The following TMEM63B variants were observed in gnomAD, a reference collection of about 807,000 sequenced individuals.
TMEM63B encodes transmembrane protein 63B, also known as mechanosensitive cation channel TMEM63B.
In TMEM63B, 23 loss-of-function variants were observed where a neutral mutation model predicts 102.6. That is an observed-to-expected ratio of 0.22 (90% CI 0.16 to 0.32). The LOEUF is 0.32. TMEM63B is among the 10% of genes least tolerant of loss of function. TMEM63B has a pLI of 1.00. For missense variants in TMEM63B, 628 were observed against 1,095.9 expected, an observed-to-expected ratio of 0.57 and a Z score of 6.03; for synonymous variants, 444 against 437.0, an observed-to-expected ratio of 1.02 and a Z score of -0.20.
Position 44,154,908 on chromosome 6 carries a change from A to G in TMEM63B, c.*25A>G. On this transcript the variant is annotated 3_prime_UTR_variant, in exon 24 of 24. Coordinates refer to ENST00000323267, the MANE Select transcript of TMEM63B (RefSeq NM_018426.3). ...AGGGGAGGGAGGGGCCCTGGAGGCC[A>G]CATCCTGCCCCACCCCACCCCCACT... The G allele has an allele frequency of 6.7e-7, 1 of 1,495,918 alleles. No homozygotes were observed. Among genetic ancestry groups the G allele is most frequent in the Non-Finnish European group, 8.9e-7 (1 of 1,123,648 alleles). 92.7% of individuals were successfully genotyped at this position (1,495,918 alleles called of 1,614,324 possible). A position where few individuals can be genotyped will look rare whatever the true frequency, so the allele number is the denominator to read the frequency against.
In TMEM63B at chr6:44,152,958, C is replaced by T. The variant is rs890791219; in HGVS notation, c.1942+260C>T. Among the ~76,000 whole-genome samples the T allele has an allele frequency of 5.3e-5, 8 of 152,234 alleles. No individual in the cohort carries two copies. The highest frequency in any genetic ancestry group is 1.9e-4 in the African/African-American group (8 of 41,460). Reference sequence around the variant, plus strand: ...CCAACATGGCCATACTTACCCACACCTGTGCCTTCCCTCAGCGGGATGTGC... The same window carrying T: ...CCAACATGGCCATACTTACCCACACTTGTGCCTTCCCTCAGCGGGATGTGC... On this transcript the variant is annotated intron_variant, in intron 20 of 23. Transcript: ENST00000323267. The surrounding 1 kb of genome is among the most constrained non-coding windows in gnomAD (Gnocchi z 6.4).
At chr6:44,139,823 A>T (rs1763865942) in intron 8 of TMEM63B, 64 bp downstream of exon 8, 2 of 1,602,466 alleles carry the variant, frequency 1.2e-6, no homozygotes, top group Admixed American at 1.7e-5. Context: ...ATGATGTGGG[A>T]CAGGGAGGAA....
chr6:44,146,944 A>G lies in TMEM63B; in HGVS notation c.863+17A>G, dbSNP rs1765539594. On this transcript the variant is annotated intron_variant, in intron 11 of 23. Coordinates refer to ENST00000323267, the MANE Select transcript of TMEM63B (RefSeq NM_018426.3). ...TGCAGAGAGGTAAGGGACTGGGGGC[A>G]GAGGAGGGTGACACCAAGGGCCCCC... 6.2e-7 allele frequency: 1 copy of G among 1,613,510 alleles called. No homozygotes were observed. Among genetic ancestry groups the G allele is most frequent in the South Asian group, 1.1e-5 (1 of 91,080 alleles).
At chr6:44,153,872 G>A (rs761868276) in intron 21 of TMEM63B, 29 bp downstream of exon 21, 7 of 1,603,996 alleles carry the variant, frequency 4.4e-6, no homozygotes, top group Admixed American at 3.4e-5. Flanking sequence ...GGGAACGGGG[G>A]GTGGCGAGCA....
chr6:44,137,383 G>A (rs1450341377), intron 5 of TMEM63B, among the ~76,000 whole-genome samples: 1 of 152,170 alleles, frequency 6.6e-6, no homozygotes, highest in African/African-American at 2.4e-5. Flanking sequence ...CAAGTCCTAG[G>A]GGTGGCAGCT....
rs901174788 is a variant in TMEM63B at position 44,150,762 on chromosome 6, C to T, written c.1673+133C>T. The T allele has an allele frequency of 1.0e-5, 10 of 955,676 alleles. No individual in the cohort carries two copies. Among genetic ancestry groups the T allele is most frequent in the Admixed American group, 4.3e-5 (2 of 46,800 alleles). The allele number at this position is 955,676 out of a possible 1,614,324, so 59.2% of individuals were successfully genotyped here. A position where few individuals can be genotyped will look rare whatever the true frequency, so the allele number is the denominator to read the frequency against. On this transcript the variant is annotated intron_variant, in intron 18 of 23. Coordinates refer to ENST00000323267, the MANE Select transcript of TMEM63B (RefSeq NM_018426.3). This position sits in a 1 kb window ranked among gnomAD's most constrained non-coding sequence, Gnocchi z 4.7. ...AGGGGGCAGAAGAGAGAGGATCTGG[C>T]GGGGTTACCCCAAAGGCACCCACAA...
At position 44,135,297 on chromosome 6, in the gene TMEM63B, C is replaced by G. The variant is rs577378991; in HGVS notation, c.240-31C>G. Reference sequence around the variant, plus strand: ...CTGTCCCCAGGGACTCTCCCCCGCCCCTGCTAACCCTGTCTGTTCTCTGTC... The same window carrying G: ...CTGTCCCCAGGGACTCTCCCCCGCCGCTGCTAACCCTGTCTGTTCTCTGTC... On this transcript the variant is annotated intron_variant, in intron 3 of 23. Transcript: ENST00000323267. The G allele has an allele frequency of 3.2e-5, 52 of 1,607,058 alleles. 1 individual carries two copies. In the South Asian group the frequency reaches 5.8e-4, roughly 18 times the overall value.
intron 10 of TMEM63B, among the ~76,000 whole-genome samples, chr6:44,141,825 G>A (rs1199911900): frequency 1.3e-5 from 2 of 152,190 alleles, no homozygotes; most frequent in African/African-American, 2.4e-5. Flanking sequence ...CTTTGGGACT[G>A]TAAAAAATGA....
Position 44,152,155 on chromosome 6 carries a change from T to G in TMEM63B, c.1836+147T>G. ...CTCACGGTGGATCCGGGCCATCCCC[T>G]TCCCATATCTGGGGCCTTCGTATTC... On this transcript the variant is annotated intron_variant, in intron 19 of 23. Coordinates refer to ENST00000323267, the MANE Select transcript of TMEM63B (RefSeq NM_018426.3). This position sits in a 1 kb window ranked among gnomAD's most constrained non-coding sequence, Gnocchi z 6.4. The G allele has an allele frequency of 9.4e-7, 1 of 1,062,370 alleles. No homozygotes were observed. Among genetic ancestry groups the G allele is most frequent in the East Asian group, 2.7e-5 (1 of 36,982 alleles). The allele number at this position is 1,062,370 out of a possible 1,614,324, so 65.8% of individuals were successfully genotyped here.
intron 6 of TMEM63B, 48 bp from the exon 7 acceptor site, chr6:44,139,419 T>G: frequency 6.2e-7 from 1 of 1,603,432 alleles, no homozygotes; most frequent in Non-Finnish European, 8.5e-7. Context: ...AGCCCCCTTC[T>G]TGCCCTGGTC....
chr6:44,138,538 C>T (rs1763470756), intron 6 of TMEM63B, 21 bp downstream of exon 6: 1 of 1,613,910 alleles, frequency 6.2e-7, no homozygotes, highest in East Asian at 2.2e-5. Flanking sequence ...CATCTTCAAG[C>T]TCTAAAGAAA....
At chr6:44,144,601 T>G (rs1245923543) in intron 10 of TMEM63B, among the ~76,000 whole-genome samples, 3 of 151,934 alleles carry the variant, frequency 2.0e-5, no homozygotes, top group African/African-American at 7.3e-5. Flanking sequence ...AAAAACAATT[T>G]TTTTTGAGAC....
rs1220691074 is a variant in TMEM63B at position 44,139,747 on chromosome 6, A to G, written c.590A>G (p.Asn197Ser). 5 of 1,614,182 alleles carry G rather than the reference A, an allele frequency of 3.1e-6. No individual in the cohort carries two copies. Among genetic ancestry groups the G allele is most frequent in the Admixed American group, 1.7e-5 (1 of 60,028 alleles). The change falls in exon 8 of 24, where the codon AAC becomes AGC. Residue 197 changes from asparagine (N) to serine (S), a missense_variant. Physicochemically the swap from Asn to Ser is conservative, Grantham distance 46. This residue lies in a region of TMEM63B where 336 missense variants were observed against 580.3 expected (regional missense o/e 0.58). Transcript: ENST00000323267. ...AGCTTTGGGAGAACCACCATTGCCAACTTGAAATCAGGGTAAGATGCGAAG... is the reference window on the plus strand; with the variant it reads ...AGCTTTGGGAGAACCACCATTGCCAGCTTGAAATCAGGGTAAGATGCGAAG... ...AYSFGRTTIA[N>S]LKSGNNLLWL...
At chr6:44,136,905 CGTG>C (rs1763079103) in intron 5 of TMEM63B, among the ~76,000 whole-genome samples, 1 of 152,166 alleles carries the variant, frequency 6.6e-6, no homozygotes, top group East Asian at 1.9e-4. Context: ...ATTAGCCAGG[CGTG>C]GTGGTGGGCG....
chr6:44,147,413 C>T lies in TMEM63B; in HGVS notation c.900C>T (p.Asn300=), dbSNP rs769028546. The change falls in exon 12 of 24, where the codon AAC becomes AAT. Residue 300 remains asparagine (N), a synonymous_variant. Coordinates refer to ENST00000323267, the MANE Select transcript of TMEM63B (RefSeq NM_018426.3). The stretch of plus-strand genomic sequence containing the variant: ...AGCGGGGAAAGCTGTACTTCACAAA[C>T]CTCCAGAGCAAGGAGAACGTGCCTA... ...KAERGKLYFT[N]LQSKENVPTM... is the part of the protein sequence containing the mutation. The T allele has an allele frequency of 1.9e-6, 3 of 1,614,190 alleles. No homozygotes were observed. The highest frequency in any genetic ancestry group is 2.5e-6 in the Non-Finnish European group (3 of 1,180,034).
rs934886045 is a variant in TMEM63B, at chr6:44,128,417, G to T, written c.-25+739G>T. On this transcript the variant is annotated intron_variant, in intron 1 of 23. Transcript: ENST00000323267. ...AAACCGAGAGTGGGGCAAAGGCCCTGTTGTGGGGAGGGGGCGCCGCTTTGT... is the reference window on the plus strand; with the variant it reads ...AAACCGAGAGTGGGGCAAAGGCCCTTTTGTGGGGAGGGGGCGCCGCTTTGT... Among the ~76,000 whole-genome samples, 2 of 152,258 alleles carry T rather than the reference G, an allele frequency of 1.3e-5. 1 individual carries two copies. Among genetic ancestry groups the T allele is most frequent in the South Asian group, 4.1e-4 (2 of 4,836 alleles).
Position 44,148,196 on chromosome 6 carries a change from G to C in TMEM63B, c.988-56G>C. On this transcript the variant is annotated intron_variant, in intron 12 of 23. Coordinates refer to ENST00000323267, the MANE Select transcript of TMEM63B (RefSeq NM_018426.3). The surrounding 1 kb of genome is among the most constrained non-coding windows in gnomAD (Gnocchi z 5.1). ...CCCAAGTCAGCGTGGGCTGGATGCT[G>C]CAGGCCCCAGCCTGGCTTTCCAACT... 6.2e-7 allele frequency: 1 copy of C among 1,606,118 alleles called. No individual in the cohort carries two copies. Among genetic ancestry groups the C allele is most frequent in the Non-Finnish European group, 8.5e-7 (1 of 1,175,206 alleles).
chr6:44,155,463 G>GTTT lies in TMEM63B; in HGVS notation c.*585_*587dup, dbSNP rs892246008. ...GGGTTTTTGCACTGTTTTTTTTTTG[G>GTTT]TTTTTTTGTTCTTTTTTGTTTTTTT... On this transcript the variant is annotated 3_prime_UTR_variant, in exon 24 of 24. Transcript: ENST00000323267. 3 of 125,750 alleles carry GTTT rather than the reference G, an allele frequency of 2.4e-5. No individual in the cohort carries two copies. The highest frequency in any genetic ancestry group is 2.8e-4 in the East Asian group (1 of 3,584). 7.8% of individuals were successfully genotyped at this position (125,750 alleles called of 1,614,324 possible).
Position 44,150,382 on chromosome 6 carries a change from C to T in TMEM63B, c.1607+72C>T. The T allele has an allele frequency of 1.3e-6, 2 of 1,516,922 alleles. No homozygotes were observed. Among genetic ancestry groups the T allele is most frequent in the South Asian group, 2.3e-5 (2 of 88,730 alleles). 94.0% of individuals were successfully genotyped at this position (1,516,922 alleles called of 1,614,324 possible). On this transcript the variant is annotated intron_variant, in intron 17 of 23. Transcript: ENST00000323267. This position sits in a 1 kb window ranked among gnomAD's most constrained non-coding sequence, Gnocchi z 4.7. ...GATAGGGAGAGGAGAGCAGTTCAGC[C>T]TCCCTACCTCCCCTACAAAGCAAGG...
Sources: allele counts gnomAD v4.1 joint callset (sites outside exome capture counted in the v4.1 genomes callset), GRCh38; gene constraint gnomAD v4.1.1; regional missense constraint gnomAD v4.1.1; non-coding constraint Gnocchi (gnomAD v3.1); transcripts MANE v1.5; gene names NCBI Gene and HGNC (gene_info 2026-07-23, HGNC 2026-07-21).